Variants in PDE10A observed in about 807,000 individuals in gnomAD.
The protein encoded by PDE10A is phosphodiesterase 10A.
In PDE10A, 39 loss-of-function variants were observed where a neutral mutation model predicts 97.7. The ratio of observed to expected loss-of-function variants is 0.40; its 90% CI spans 0.31 to 0.52. The LOEUF (loss-of-function observed/expected upper bound fraction) is 0.52. Ranked by LOEUF, PDE10A falls within the 20% of genes least tolerant of loss-of-function variation. The pLI is 0.56. For missense variants in PDE10A, 731 were observed against 1,047.8 expected (o/e 0.70, Z 4.17); for synonymous variants, 371 against 376.8 (o/e 0.98, Z 0.18).
chr6:165,589,443 T>G (rs929619700), intron 1 of PDE10A, among the ~76,000 whole-genome samples: 1 of 152,246 alleles, frequency 6.6e-6, no homozygotes, highest in Admixed American at 6.5e-5. Flanking sequence ...TATTTCTTTA[T>G]TATTTCATTT....
rs114570883 is a variant in PDE10A, at chr6:165,792,549, C to T, written c.-615+194980G>A. Among the ~76,000 whole-genome samples, 1,092 of 152,258 alleles carry T rather than the reference C, an allele frequency of 7.2e-3. 11 individuals are homozygous for T. The highest frequency in any genetic ancestry group is 0.025 in the African/African-American group (1,056 of 41,544). On this transcript the variant is annotated intron_variant, in intron 1 of 19. Coordinates refer to the PDE10A transcript ENST00000366882. Reference sequence around the variant, plus strand: ...AGGATGCCACTCTGTTTGGCTGGCACCTTTTTTCTTTCCAGTCTCCCCAGT... The same window carrying T: ...AGGATGCCACTCTGTTTGGCTGGCATCTTTTTTCTTTCCAGTCTCCCCAGT...
chr6:165,930,659 C>T lies in PDE10A; in HGVS notation c.-615+56870G>A, dbSNP rs541432183. Among the ~76,000 whole-genome samples, 5 of 152,326 alleles carry T rather than the reference C, an allele frequency of 3.3e-5. No individual in the cohort carries two copies. In the East Asian group the frequency reaches 5.8e-4, roughly 18 times the overall value. ...CTTGCCCAAAGGCCGCTGATGAAAA[C>T]GCTGGCTGTGCATGGAAGGAAGTGG... is the stretch of plus-strand genomic sequence containing the variant. On this transcript the variant is annotated intron_variant, in intron 1 of 19. Transcript: ENST00000366882.
intron 1 of PDE10A, among the ~76,000 whole-genome samples, chr6:165,747,540 C>T (rs1421812517): frequency 6.6e-6 from 1 of 151,704 alleles, no homozygotes; most frequent in African/African-American, 2.4e-5. Context: ...TATTTGAACT[C>T]AGGACTCAGG....
intron 1 of PDE10A, among the ~76,000 whole-genome samples, chr6:165,806,454 C>G (rs1204849310): frequency 6.6e-6 from 1 of 152,208 alleles, no homozygotes; most frequent in African/African-American, 2.4e-5. Flanking sequence ...TTTGAAGCTC[C>G]CCATCCTCAA....
chr6:165,696,032 G>A (rs1250466151), intron 1 of PDE10A, among the ~76,000 whole-genome samples: 1 of 150,616 alleles, frequency 6.6e-6, no homozygotes, highest in African/African-American at 2.5e-5. Flanking sequence ...TGTCACCCCA[G>A]GGTAACTGGC....
At chr6:165,716,148 T>C (rs1792021263) in intron 1 of PDE10A, among the ~76,000 whole-genome samples, 1 of 152,124 alleles carries the variant, frequency 6.6e-6, no homozygotes, top group African/African-American at 2.4e-5. Context: ...GCTACAGAGG[T>C]CTCTGCTCTT....
intron 1 of PDE10A, among the ~76,000 whole-genome samples, chr6:165,560,582 C>A (rs949220800): frequency 6.6e-6 from 1 of 152,112 alleles, no homozygotes; most frequent in African/African-American, 2.4e-5. Context: ...ACTAATAAAC[C>A]TTTACTTTTC....
intron 18 of PDE10A, among the ~76,000 whole-genome samples, chr6:165,354,246 T>C (rs1184146336): frequency 6.6e-6 from 1 of 152,158 alleles, no homozygotes; most frequent in Non-Finnish European, 1.5e-5. Flanking sequence ...CTTAAGACCG[T>C]AACTTAACAG....
chr6:165,743,011 G>A (rs1200495297), intron 1 of PDE10A, among the ~76,000 whole-genome samples: 1 of 152,194 alleles, frequency 6.6e-6, no homozygotes. Context: ...GATTGTCTCA[G>A]AGCCTGGTGG....
rs1177989237 is a variant in PDE10A at position 165,619,273 on chromosome 6, CGTAGT to C, written c.865+42669_865+42673del. On this transcript the variant is annotated intron_variant, in intron 1 of 21. Coordinates refer to ENST00000539869, the MANE Select transcript of PDE10A (RefSeq NM_001385079.1). ...TGTAGTCTAGTGTAGTGTAGTCTAG[CGTAGT>C]GTAGTCTAGCATAGTCTAGTGTAGT... 2.8e-3 allele frequency among the ~76,000 whole-genome samples: 95 copies of C among 33,770 alleles called. 2 individuals are homozygous for C. Among genetic ancestry groups the C allele is most frequent in the Admixed American group, 0.014 (56 of 3,946 alleles). The allele number at this position is 33,770 out of a possible 152,430, so 22.2% of individuals were successfully genotyped here.
Position 165,332,953 on chromosome 6 carries a change from A to C in PDE10A, c.*72T>G. The C allele has an allele frequency of 9.8e-6, 7 of 713,058 alleles. No homozygotes were observed. Among genetic ancestry groups the C allele is most frequent in the East Asian group, 4.2e-5 (1 of 23,622 alleles). 44.2% of individuals were successfully genotyped at this position (713,058 alleles called of 1,614,324 possible). On this transcript the variant is annotated 3_prime_UTR_variant, in exon 22 of 22. Coordinates refer to ENST00000539869, the MANE Select transcript of PDE10A (RefSeq NM_001385079.1). Reference sequence around the variant, plus strand: ...TGCAGGTTCCCCCCACCCCCCCCAAAAAAAGGAAAAGAATGTCAAAGAAGC... The same window carrying C: ...TGCAGGTTCCCCCCACCCCCCCCAACAAAAGGAAAAGAATGTCAAAGAAGC...
At position 165,570,804 on chromosome 6, in the gene PDE10A, A is replaced by G. The variant is rs73250075; in HGVS notation, c.866-27236T>C. Among the ~76,000 whole-genome samples the G allele has an allele frequency of 4.5e-3, 681 of 151,904 alleles. 5 individuals are homozygous for G. The highest frequency in any genetic ancestry group is 0.016 in the African/African-American group (661 of 41,184). On this transcript the variant is annotated intron_variant, in intron 1 of 21. Coordinates refer to ENST00000539869, the MANE Select transcript of PDE10A (RefSeq NM_001385079.1). The stretch of plus-strand genomic sequence containing the variant: ...TATTATTAGTAGCATTATGTTCTAT[A>G]AAGTCCAAACACTGAATCAGCAAAT...
intron 1 of PDE10A, among the ~76,000 whole-genome samples, chr6:165,873,147 A>G (rs1052306997): frequency 6.6e-6 from 1 of 152,180 alleles, no homozygotes; most frequent in African/African-American, 2.4e-5. Context: ...CCAAAGCCCC[A>G]GGCTTCCTGT....
At chr6:165,798,140 T>G (rs1778877993) in intron 1 of PDE10A, among the ~76,000 whole-genome samples, 1 of 152,248 alleles carries the variant, frequency 6.6e-6, no homozygotes, top group African/African-American at 2.4e-5. Context: ...ATATTAGCTT[T>G]TAATGCTTAA....
intron 1 of PDE10A, among the ~76,000 whole-genome samples, chr6:165,866,178 A>G (rs943634760): frequency 1.2e-4 from 19 of 152,214 alleles, no homozygotes; most frequent in Admixed American, 1.2e-3. Flanking sequence ...ATATGTTTCC[A>G]CAAGAAACTC....
At chr6:165,933,487 T>TA (rs1226659905) in intron 1 of PDE10A, among the ~76,000 whole-genome samples, 1 of 152,188 alleles carries the variant, frequency 6.6e-6, no homozygotes, top group Non-Finnish European at 1.5e-5. Context: ...TATTATGCCC[T>TA]AAAAAATATA....
At chr6:165,351,154 A>G (rs1248772746) in intron 18 of PDE10A, among the ~76,000 whole-genome samples, 1 of 5,552 alleles carries the variant, frequency 1.8e-4, no homozygotes, top group Non-Finnish European at 2.9e-4. Flanking sequence ...TGAAACACAC[A>G]TGACAATGAC....
At position 165,515,117 on chromosome 6, in the gene PDE10A, T is replaced by C. The variant is rs948194323; in HGVS notation, c.994+28323A>G. Among the ~76,000 whole-genome samples, 8 of 152,228 alleles carry C rather than the reference T, an allele frequency of 5.3e-5. No individual in the cohort carries two copies. In the East Asian group the frequency reaches 9.6e-4, roughly 18 times the overall value. ...TTCAGAATAACACTAAGATGTTATC[T>C]GTCTTACTTATATTCTCTCAGGAGT... On this transcript the variant is annotated intron_variant, in intron 2 of 21. Coordinates refer to ENST00000539869, the MANE Select transcript of PDE10A (RefSeq NM_001385079.1).
At chr6:165,384,803 G>T (rs558521035) in intron 17 of PDE10A, among the ~76,000 whole-genome samples, 2 of 152,266 alleles carry the variant, frequency 1.3e-5, no homozygotes, top group African/African-American at 4.8e-5. Flanking sequence ...GGCAGCCATA[G>T]TGAAAGCTGG....
Sources: allele counts gnomAD v4.1 joint callset (sites outside exome capture counted in the v4.1 genomes callset), GRCh38; gene constraint gnomAD v4.1.1; transcripts MANE v1.5; gene names NCBI Gene and HGNC (gene_info 2026-07-23, HGNC 2026-07-21).